CCBE1: variants seen among roughly 807,000 people sequenced by gnomAD.
CCBE1 encodes collagen and calcium binding EGF domains 1, also known as collagen and calcium-binding EGF domain-containing protein 1.
Under a neutral mutation model 50.0 loss-of-function variants are expected in CCBE1, and 37 were observed. That is an observed-to-expected ratio of 0.74 (90% CI 0.57 to 0.97). The LOEUF is 0.97. CCBE1 is among the 50% of genes least tolerant of loss of function. The probability of loss-of-function intolerance (pLI) is 0.00; values close to 1 mark genes in which losing one functional copy is unlikely to be tolerated. For synonymous variants in CCBE1, 234 were observed against 203.7 expected (o/e 1.15, Z -1.27); for missense variants, 538 against 523.8 (o/e 1.03, Z -0.26).
At chr18:59,442,235 A>G (rs1472153120) in intron 7 of CCBE1, among the ~76,000 whole-genome samples, 2 of 152,090 alleles carry the variant, frequency 1.3e-5, no homozygotes, top group Non-Finnish European at 2.9e-5. Flanking sequence ...GTGTCGATAC[A>G]GGCTTCTGAA....
intron 2 of CCBE1, among the ~76,000 whole-genome samples, chr18:59,482,731 C>A (rs1912630782): frequency 6.6e-6 from 1 of 151,940 alleles, no homozygotes; most frequent in African/African-American, 2.4e-5. Context: ...TTCCCTTTGT[C>A]TCATTGTCTC....
intron 2 of CCBE1, among the ~76,000 whole-genome samples, chr18:59,547,088 A>AGGGGGAGG (rs1568199289): frequency 8.6e-6 from 1 of 116,446 alleles, no homozygotes; most frequent in Admixed American, 9.3e-5. Context: ...AGAAAGGGAG[A>AGGGGGAGG]GAGAGGGAGG....
At chr18:59,476,104 G>A (rs1300298625) in intron 3 of CCBE1, among the ~76,000 whole-genome samples, 1 of 151,724 alleles carries the variant, frequency 6.6e-6, no homozygotes, top group Admixed American at 6.6e-5. Context: ...ATAGGTTCTG[G>A]GACAACCCTC....
At chr18:59,466,947 A>G (rs1231224860) in intron 4 of CCBE1, 56 bp from the exon 5 acceptor site, 3 of 1,465,278 alleles carry the variant, frequency 2.0e-6, no homozygotes, top group Non-Finnish European at 9.5e-7. Context: ...CTTCTAATAC[A>G]ACAGATGACA....
At chr18:59,524,772 G>A (rs1029236407) in intron 2 of CCBE1, among the ~76,000 whole-genome samples, 1 of 151,978 alleles carries the variant, frequency 6.6e-6, no homozygotes, top group Non-Finnish European at 1.5e-5. Context: ...ATAGGCCCCA[G>A]TATGTGCTGT....
intron 2 of CCBE1, among the ~76,000 whole-genome samples, chr18:59,657,329 G>A (rs2054203999): frequency 2.6e-5 from 4 of 152,154 alleles, no homozygotes; most frequent in Admixed American, 2.6e-4. Flanking sequence ...GGAATGCCAA[G>A]GCTGTGACTA....
intron 2 of CCBE1, among the ~76,000 whole-genome samples, chr18:59,607,280 C>T (rs1043424101): frequency 1.3e-5 from 2 of 152,114 alleles, no homozygotes; most frequent in African/African-American, 4.8e-5. Context: ...GAATACGGCC[C>T]ATAAGTTCAT....
intron 2 of CCBE1, among the ~76,000 whole-genome samples, chr18:59,631,239 C>T (rs559781269): frequency 2.2e-4 from 33 of 151,642 alleles, no homozygotes; most frequent in South Asian, 1.0e-3. Flanking sequence ...TGAAGGATAG[C>T]GAGAGGGGAG....
At chr18:59,463,186 C>G (rs895232389) in intron 5 of CCBE1, among the ~76,000 whole-genome samples, 7 of 152,224 alleles carry the variant, frequency 4.6e-5, no homozygotes, top group Non-Finnish European at 1.0e-4. Context: ...CTTTCCCACC[C>G]TAGCCTGCCC....
intron 2 of CCBE1, among the ~76,000 whole-genome samples, chr18:59,550,715 A>G (rs1915879271): frequency 6.6e-6 from 1 of 152,186 alleles, no homozygotes; most frequent in South Asian, 2.1e-4. Context: ...AACATTTTCC[A>G]ACTCATGGAG....
chr18:59,577,610 G>A (rs997288108), intron 2 of CCBE1, among the ~76,000 whole-genome samples: 1 of 152,206 alleles, frequency 6.6e-6, no homozygotes, highest in Non-Finnish European at 1.5e-5. Flanking sequence ...ATGAATAAAT[G>A]AGCAGAGGTA....
At chr18:59,668,128 T>TA (rs1375057843) in intron 2 of CCBE1, among the ~76,000 whole-genome samples, 1 of 151,954 alleles carries the variant, frequency 6.6e-6, no homozygotes, top group Admixed American at 6.6e-5. Context: ...AAGTATAATT[T>TA]AAAAAAATTG....
chr18:59,625,858 TAA>T (rs2053776868), intron 2 of CCBE1, among the ~76,000 whole-genome samples: 1 of 152,100 alleles, frequency 6.6e-6, no homozygotes, highest in African/African-American at 2.4e-5. Flanking sequence ...TAGTAACTTG[TAA>T]AAGAGCCCAT....
intron 3 of CCBE1, among the ~76,000 whole-genome samples, chr18:59,475,454 C>A (rs1304741622): frequency 6.6e-6 from 1 of 152,208 alleles, no homozygotes; most frequent in Non-Finnish European, 1.5e-5. Flanking sequence ...CCTTATACTG[C>A]AGCAAAACTA....
intron 2 of CCBE1, among the ~76,000 whole-genome samples, chr18:59,659,715 T>C (rs931984690): frequency 1.3e-5 from 2 of 152,184 alleles, no homozygotes; most frequent in Non-Finnish European, 2.9e-5. Flanking sequence ...CAGTGACACG[T>C]AGCTATGTCA....
Position 59,602,370 on chromosome 18 carries a change from T to A in CCBE1, c.212+94259A>T, listed in dbSNP as rs577538448. 5.9e-5 allele frequency among the ~76,000 whole-genome samples: 9 copies of A among 152,292 alleles called. 1 individual carries two copies. The highest frequency in any genetic ancestry group is 2.2e-4 in the African/African-American group (9 of 41,562). On this transcript the variant is annotated intron_variant, in intron 2 of 10. Transcript: ENST00000439986. Reference sequence around the variant, plus strand: ...CACTATTATCATCATCATCCTTATGTGGTTCTCTGTTTTTTCCTTCTATCA... The same window carrying A: ...CACTATTATCATCATCATCCTTATGAGGTTCTCTGTTTTTTCCTTCTATCA...
chr18:59,499,686 A>T (rs1237552596), intron 2 of CCBE1, among the ~76,000 whole-genome samples: 1 of 152,178 alleles, frequency 6.6e-6, no homozygotes, highest in Non-Finnish European at 1.5e-5. Context: ...TCCTCCCACA[A>T]CACGTGGGAA....
intron 2 of CCBE1, among the ~76,000 whole-genome samples, chr18:59,528,729 CATTTGCTGGGGGTTCACTCCAGACCCT>C (rs1161068611): frequency 6.6e-6 from 1 of 152,128 alleles, no homozygotes; most frequent in Non-Finnish European, 1.5e-5. Flanking sequence ...GGGATGCTGA[CATTTGCTGGGGGTTCACTCCAGACCCT>C]ATTTGCCTGG....
chr18:59,486,900 CTTG>C (rs1281698790), intron 2 of CCBE1, among the ~76,000 whole-genome samples: 1 of 151,730 alleles, frequency 6.6e-6, no homozygotes, highest in Non-Finnish European at 1.5e-5. Flanking sequence ...TACGTGTAAG[CTTG>C]TTATTACCAA....
Sources: allele counts gnomAD v4.1 joint callset (sites outside exome capture counted in the v4.1 genomes callset), GRCh38; gene constraint gnomAD v4.1.1; transcripts MANE v1.5; gene names NCBI Gene and HGNC (gene_info 2026-07-23, HGNC 2026-07-21).